Variants in CTSC observed in about 807,000 individuals in gnomAD.
CTSC encodes dipeptidyl peptidase 1.
In CTSC, 37 loss-of-function variants were observed where a neutral mutation model predicts 40.9. The observed-to-expected ratio is 0.91, with a 90% CI of 0.70 to 1.19. CTSC has a LOEUF of 1.19. Ranked by LOEUF, CTSC falls within the 50% of genes most tolerant of loss-of-function variation. The probability of loss-of-function intolerance (pLI) is 0.00; values close to 1 mark genes in which losing one functional copy is unlikely to be tolerated. For synonymous variants in CTSC, 232 were observed against 207.4 expected (o/e 1.12, Z -1.02); for missense variants, 594 against 567.3 (o/e 1.05, Z -0.48).
chr11:88,327,849 A>G, intron 2 of CTSC: 1 of 487,572 alleles, frequency 2.1e-6, no homozygotes, highest in South Asian at 2.1e-5. Context: ...GTTCACGTCT[A>G]CTTAGGTTAC....
chr11:88,309,865 A>G (rs1213684640), intron 3 of CTSC, among the ~76,000 whole-genome samples: 1 of 151,686 alleles, frequency 6.6e-6, no homozygotes, highest in Non-Finnish European at 1.5e-5. Context: ...ATGCATTTTT[A>G]AAATGCCAAA....
intron 2 of CTSC, among the ~76,000 whole-genome samples, chr11:88,317,812 A>G (rs1270559482): frequency 6.6e-6 from 1 of 152,216 alleles, no homozygotes; most frequent in Non-Finnish European, 1.5e-5. Flanking sequence ...TTAAGTTTCC[A>G]TTCATTTATG....
At chr11:88,296,383 A>G in intron 5 of CTSC, 119 bp from the exon 6 acceptor site, 1 of 1,238,204 alleles carries the variant, frequency 8.1e-7, no homozygotes, top group Non-Finnish European at 1.2e-6. Flanking sequence ...TGTTTATAAG[A>G]ATCAGCACAA....
chr11:88,318,461 GA>G (rs1480666173), intron 2 of CTSC, among the ~76,000 whole-genome samples: 2 of 152,164 alleles, frequency 1.3e-5, no homozygotes, highest in Non-Finnish European at 2.9e-5. Context: ...TCATTACCAT[GA>G]AGGATACTTC....
At chr11:88,310,136 G>T (rs1298286676) in intron 3 of CTSC, among the ~76,000 whole-genome samples, 1 of 149,992 alleles carries the variant, frequency 6.7e-6, no homozygotes, top group Non-Finnish European at 1.5e-5. Context: ...TATTAGAAAT[G>T]CATACTGTAA....
At chr11:88,326,920 T>C (rs942313021) in intron 2 of CTSC, among the ~76,000 whole-genome samples, 2 of 152,048 alleles carry the variant, frequency 1.3e-5, no homozygotes, top group African/African-American at 4.8e-5. Context: ...GAGTGAAGAG[T>C]TAAGGATAAA....
At chr11:88,318,007 T>A (rs1451613155) in intron 2 of CTSC, among the ~76,000 whole-genome samples, 1 of 152,192 alleles carries the variant, frequency 6.6e-6, no homozygotes, top group African/African-American at 2.4e-5. Context: ...AGCTATCCAA[T>A]TAGATATACC....
intron 4 of CTSC, 58 bp downstream of exon 4, chr11:88,309,101 AGGAG>A: frequency 6.8e-7 from 1 of 1,464,240 alleles, no homozygotes; most frequent in Non-Finnish European, 9.5e-7. Context: ...AGGACTGCTT[AGGAG>A]GGAGGATGGT....
chr11:88,297,617 G>A (rs217111), intron 5 of CTSC: 85,561 of 151,908 alleles, frequency 0.56, 24,710 homozygotes, highest in Non-Finnish European at 0.63. Flanking sequence ...TCTGACCATC[G>A]ATCACTGTGG....
intron 4 of CTSC, among the ~76,000 whole-genome samples, chr11:88,302,323 G>A (rs796419344): frequency 7.2e-5 from 11 of 152,160 alleles, no homozygotes; most frequent in African/African-American, 2.6e-4. Context: ...ATATAACACA[G>A]GTTAAGAATA....
intron 4 of CTSC, among the ~76,000 whole-genome samples, chr11:88,304,344 A>C (rs1937610165): frequency 6.6e-6 from 1 of 152,206 alleles, no homozygotes; most frequent in African/African-American, 2.4e-5. Context: ...TATGAAGATA[A>C]CATTCATATC....
intron 6 of CTSC, 141 bp from the exon 7 acceptor site, chr11:88,294,649 T>C (rs776889514): frequency 3.6e-5 from 33 of 921,682 alleles, no homozygotes; most frequent in Non-Finnish European, 4.9e-5. Flanking sequence ...CATTCATCCA[T>C]CCATTTTCCA....
At chr11:88,322,405 G>C (rs536332322) in intron 2 of CTSC, 1 of 151,930 alleles carries the variant, frequency 6.6e-6, no homozygotes, top group Admixed American at 6.6e-5. Flanking sequence ...TTAATCCATC[G>C]TAAGTTGATT....
rs138619667 is a variant in CTSC at position 88,296,097 on chromosome 11, A to C, written c.889+36T>G. The stretch of plus-strand genomic sequence containing the variant: ...ACAACAGCCAGCTGCACACAGGTAA[A>C]TAGCTCATAAATGGTGTCTGAAATG... On this transcript the variant is annotated intron_variant, in intron 6 of 6. Coordinates refer to ENST00000227266, the MANE Select transcript of CTSC (RefSeq NM_001814.6). The C allele has an allele frequency of 4.1e-4, 658 of 1,611,530 alleles. 7 individuals carry two copies. The East Asian group carries it at 9.6e-3, about 23-fold the overall frequency.
chr11:88,322,243 A>G (rs1207548927), intron 2 of CTSC: 2 of 152,078 alleles, frequency 1.3e-5, no homozygotes, highest in African/African-American at 4.8e-5. Context: ...AGAGCTCTTT[A>G]GTTTAATTAG....
chr11:88,325,079 C>G (rs1436680948), intron 2 of CTSC: 1 of 978,920 alleles, frequency 1.0e-6, no homozygotes, highest in African/African-American at 1.9e-5. Context: ...TTCAGGCTTA[C>G]CAAAGCTGAA....
intron 4 of CTSC, among the ~76,000 whole-genome samples, chr11:88,306,050 T>C (rs1035043937): frequency 8.5e-5 from 13 of 152,274 alleles, no homozygotes; most frequent in African/African-American, 3.1e-4. Context: ...TTTGGTGAAT[T>C]TGAGAAGGGG....
Position 88,313,650 on chromosome 11 carries a change from A to T in CTSC, c.319-1096T>A, listed in dbSNP as rs758750711. Among the ~76,000 whole-genome samples the T allele has an allele frequency of 4.2e-4, 64 of 152,316 alleles. 1 individual carries two copies. The highest frequency in any genetic ancestry group is 2.7e-3 in the Admixed American group (42 of 15,298). On this transcript the variant is annotated intron_variant, in intron 2 of 6. Coordinates refer to ENST00000227266, the MANE Select transcript of CTSC (RefSeq NM_001814.6). ...ACTGTGTAGCATGTGGGAGACAGAA[A>T]GGGAAAATGCTGTGCTAAATTTCTG... is the stretch of plus-strand genomic sequence containing the variant.
At chr11:88,295,473 G>A (rs994433896) in intron 6 of CTSC, among the ~76,000 whole-genome samples, 1 of 151,558 alleles carries the variant, frequency 6.6e-6, no homozygotes, top group Non-Finnish European at 1.5e-5. Context: ...TTGACCTCCT[G>A]GGCTCAGGTG....
Sources: gnomAD v4.1 joint callset for allele counts (sites outside exome capture counted in the v4.1 genomes callset) on GRCh38, gnomAD v4.1.1 for gene constraint, MANE v1.5 for transcripts, NCBI Gene and HGNC (gene_info 2026-07-23, HGNC 2026-07-21) for gene names.